Variants in CC2D2B observed in about 807,000 individuals in gnomAD.
CC2D2B encodes the protein coiled-coil and C2 domain containing 2B, also known as protein CC2D2B.
Under a neutral mutation model 161.2 loss-of-function variants are expected in CC2D2B, and 128 were observed. The ratio of observed to expected loss-of-function variants is 0.79; its 90% CI spans 0.69 to 0.92. The LOEUF (loss-of-function observed/expected upper bound fraction) is 0.92. CC2D2B is among the 40% of genes least tolerant of loss of function. The pLI is 0.00. For missense variants in CC2D2B, 1,173 were observed against 1,375.1 expected, an observed-to-expected ratio of 0.85 and a Z score of 2.32; for synonymous variants, 391 against 449.8, an observed-to-expected ratio of 0.87 and a Z score of 1.65.
chr10:96,015,368 C>T (rs2079151996), intron 29 of CC2D2B, among the ~76,000 whole-genome samples: 1 of 151,652 alleles, frequency 6.6e-6, no homozygotes, highest in African/African-American at 2.4e-5. Context: ...TGAGCCACCG[C>T]GCCTGGCCAT....
chr10:95,914,694 C>G (rs1000035530), intron 2 of CC2D2B, among the ~76,000 whole-genome samples: 1 of 152,188 alleles, frequency 6.6e-6, no homozygotes, highest in East Asian at 1.9e-4. Flanking sequence ...GTGCCTGCTT[C>G]TCCTTTGCCT....
chr10:95,971,806 T>A (rs935080098), intron 15 of CC2D2B, among the ~76,000 whole-genome samples: 1 of 152,242 alleles, frequency 6.6e-6, no homozygotes, highest in Non-Finnish European at 1.5e-5. Flanking sequence ...TTATGTTATA[T>A]GTACCTCATA....
chr10:96,013,251 G>A (rs2141867258), intron 28 of CC2D2B, among the ~76,000 whole-genome samples: 1 of 151,950 alleles, frequency 6.6e-6, no homozygotes, highest in African/African-American at 2.4e-5. Flanking sequence ...GCACTATAGG[G>A]GAAAAATCCA....
chr10:95,934,051 C>T (rs1328429788), intron 6 of CC2D2B, among the ~76,000 whole-genome samples: 3 of 152,214 alleles, frequency 2.0e-5, no homozygotes, highest in Non-Finnish European at 4.4e-5. Context: ...ACTGGGGCTA[C>T]TGCCTTTCTT....
intron 17 of CC2D2B, among the ~76,000 whole-genome samples, chr10:95,980,890 AG>A (rs1409227508): frequency 6.6e-6 from 1 of 152,222 alleles, no homozygotes; most frequent in Non-Finnish European, 1.5e-5. Flanking sequence ...AAAGGATTGT[AG>A]AAATTTGGAT....
At chr10:95,927,618 G>A (rs535269836) in intron 6 of CC2D2B, among the ~76,000 whole-genome samples, 1 of 152,042 alleles carries the variant, frequency 6.6e-6, no homozygotes, top group South Asian at 2.1e-4. Context: ...CGAAAATCAA[G>A]CAAAGAGGGT....
intron 30 of CC2D2B, among the ~76,000 whole-genome samples, chr10:96,017,095 A>G (rs1043713435): frequency 2.0e-5 from 3 of 152,178 alleles, no homozygotes; most frequent in Non-Finnish European, 4.4e-5. Context: ...CTGAGGTTTT[A>G]ATCTTATAAG....
chr10:95,985,684 G>C (rs2077691217), intron 19 of CC2D2B, among the ~76,000 whole-genome samples: 1 of 152,192 alleles, frequency 6.6e-6, no homozygotes, highest in Non-Finnish European at 1.5e-5. Context: ...GGGAACAAGG[G>C]AGATAACCAT....
rs2076347424 is a variant in CC2D2B at position 95,950,045 on chromosome 10, A to G, written c.951A>G (p.Gln317=). Residue 317 remains glutamine (Q), a synonymous_variant, in exon 10 of 35, where the codon CAA becomes CAG. Coordinates refer to ENST00000646931, the MANE Select transcript of CC2D2B (RefSeq NM_001349008.3). ...AAGTATTATGCGCAAGGCTTCTCCA[A>G]CTTTATGAATGTTTTCAGGACAGGC... is the stretch of plus-strand genomic sequence containing the variant. ...QEQVLCARLL[Q]LYECFQDRQQ... 4 of 398,810 alleles carry G rather than the reference A, an allele frequency of 1.0e-5. No individual in the cohort carries two copies. The highest frequency in any genetic ancestry group is 1.8e-5 in the Non-Finnish European group (4 of 225,934). 24.7% of individuals were successfully genotyped at this position (398,810 alleles called of 1,614,324 possible).
At chr10:95,981,123 G>A (rs1255501314) in intron 17 of CC2D2B, among the ~76,000 whole-genome samples, 5 of 152,204 alleles carry the variant, frequency 3.3e-5, no homozygotes, top group Admixed American at 3.3e-4. Context: ...GCAGGGCACA[G>A]TGGCTCATGC....
chr10:95,920,277 G>A (rs1024837419), intron 2 of CC2D2B: 4 of 154,220 alleles, frequency 2.6e-5, no homozygotes, highest in Middle Eastern at 6.1e-3. Context: ...GTTCCACATG[G>A]TTGGGAAGGC....
At position 95,955,482 on chromosome 10, in the gene CC2D2B, G is replaced by A. The variant is rs2076540638; in HGVS notation, c.1100G>A (p.Trp367Ter). The A allele has an allele frequency of 2.5e-6, 1 of 398,006 alleles. No individual in the cohort carries two copies. The highest frequency in any genetic ancestry group is 4.4e-6 in the Non-Finnish European group (1 of 225,454). The allele number at this position is 398,006 out of a possible 1,614,324, so 24.7% of individuals were successfully genotyped here. A position where few individuals can be genotyped will look rare whatever the true frequency, so the allele number is the denominator to read the frequency against. ...AGAAAATCTTTACAAGATTATTATT[G>A]GCAAATAAGGTAGGTTTTGAGCCAT... ...LTRKSLQDYYWQISNTKQMYD... is the reference protein window; with the variant it reads ...LTRKSLQDYY The change falls in exon 11 of 35, where the codon TGG becomes TAG. Residue 367 changes from tryptophan to a stop codon, truncating the protein, a stop_gained. Transcript: ENST00000646931. LOFTEE classifies it high-confidence loss of function.
intron 34 of CC2D2B, among the ~76,000 whole-genome samples, chr10:96,029,216 C>T (rs1395970342): frequency 7.9e-6 from 1 of 126,210 alleles, no homozygotes; most frequent in Non-Finnish European, 1.7e-5. Flanking sequence ...ATTGCATGCC[C>T]ATATCAAAAT....
At chr10:95,993,934 GTGTGTGTGTATGTATGTGTATATATA>G (rs2078094936) in intron 22 of CC2D2B, among the ~76,000 whole-genome samples, 2 of 12,818 alleles carry the variant, frequency 1.6e-4, no homozygotes, top group African/African-American at 1.1e-3. Context: ...GTGTGTGTGT[GTGTGTGTGTATGTATGTGTATATATA>G]TATATATATA....
At chr10:95,938,260 T>C (rs545308434) in intron 7 of CC2D2B, 71 bp downstream of exon 7, 2 of 978,618 alleles carry the variant, frequency 2.0e-6, no homozygotes, top group Admixed American at 5.3e-5. Flanking sequence ...CTTTATTGTA[T>C]GCTGGATAAA....
At chr10:96,009,952 T>C in intron 26 of CC2D2B, 29 bp downstream of exon 26, 1 of 1,426,022 alleles carries the variant, frequency 7.0e-7, no homozygotes, top group Non-Finnish European at 9.9e-7. Flanking sequence ...TTGCTCATTC[T>C]AAGTTTTGAC....
At position 95,924,860 on chromosome 10, in the gene CC2D2B, C is replaced by G. The variant is rs1313171350; in HGVS notation, c.240+16C>G. ...AAGGTCCAAGGTGAATAACTTTTCT[C>G]TTTTTTTACTTTTTAAAACAGCTTT... On this transcript the variant is annotated intron_variant, in intron 5 of 34. Transcript: ENST00000646931. 6.7e-7 allele frequency: 1 copy of G among 1,502,312 alleles called. No homozygotes were observed. Among genetic ancestry groups the G allele is most frequent in the African/African-American group, 1.4e-5 (1 of 71,938 alleles). 93.1% of individuals were successfully genotyped at this position (1,502,312 alleles called of 1,614,324 possible).
chr10:96,018,442 T>C (rs1191276013), intron 30 of CC2D2B, among the ~76,000 whole-genome samples: 1 of 152,244 alleles, frequency 6.6e-6, no homozygotes, highest in Non-Finnish European at 1.5e-5. Flanking sequence ...ATTTCCTATC[T>C]CTGCCTGGTG....
At chr10:95,927,107 A>G in intron 5 of CC2D2B, 130 bp from the exon 6 acceptor site, 2 of 548,488 alleles carry the variant, frequency 3.6e-6, no homozygotes, top group Non-Finnish European at 6.4e-6. Context: ...ATACCTTGAT[A>G]TTGTTTGCCT....
Sources: allele counts gnomAD v4.1 joint callset (sites outside exome capture counted in the v4.1 genomes callset), GRCh38; gene constraint gnomAD v4.1.1; transcripts MANE v1.5; gene names NCBI Gene and HGNC (gene_info 2026-07-23, HGNC 2026-07-21).